The following ADAMTS17 variants were observed in gnomAD, a reference collection of about 807,000 sequenced individuals.
ADAMTS17 encodes the protein A disintegrin and metalloproteinase with thrombospondin motifs 17.
A neutral mutation model predicts 141.5 loss-of-function variants in ADAMTS17; 113 were observed. That is an observed-to-expected ratio of 0.80 (90% confidence interval 0.69 to 0.93). The LOEUF (loss-of-function observed/expected upper bound fraction) is 0.93, where lower values mean the gene tolerates loss of function less well. ADAMTS17 is among the 40% of genes least tolerant of loss of function. The probability of loss-of-function intolerance (pLI) is 0.00; values close to 1 mark genes in which losing one functional copy is unlikely to be tolerated. For missense variants in ADAMTS17, 1,659 were observed against 1,517.9 expected (o/e 1.09, Z -1.54); for synonymous variants, 768 against 630.6 (o/e 1.22, Z -3.27).
At chr15:100,205,632 C>G (rs2041514597) in intron 7 of ADAMTS17, among the ~76,000 whole-genome samples, 1 of 152,150 alleles carries the variant, frequency 6.6e-6, no homozygotes, top group Non-Finnish European at 1.5e-5. Context: ...CAGAAATGGT[C>G]CCAGGCAGGT....
At chr15:100,058,747 C>T (rs144735900) in intron 15 of ADAMTS17, among the ~76,000 whole-genome samples, 4 of 152,100 alleles carry the variant, frequency 2.6e-5, no homozygotes, top group Non-Finnish European at 4.4e-5. Flanking sequence ...ATCACCGGAG[C>T]GGGGTCTTGC....
At chr15:100,312,859 T>G (rs2045447584) in intron 3 of ADAMTS17, among the ~76,000 whole-genome samples, 2 of 152,196 alleles carry the variant, frequency 1.3e-5, no homozygotes, top group Non-Finnish European at 2.9e-5. Flanking sequence ...ATGTGCAATC[T>G]AGGGTGACCT....
At chr15:100,003,564 G>A (rs1006593011) in intron 18 of ADAMTS17, among the ~76,000 whole-genome samples, 1 of 152,076 alleles carries the variant, frequency 6.6e-6, no homozygotes, top group Non-Finnish European at 1.5e-5. Context: ...TTAAAAAACG[G>A]TATGGTAAGA....
At position 99,997,853 on chromosome 15, in the gene ADAMTS17, C is replaced by T. The variant is rs538276672; in HGVS notation, c.2592-264G>A. Among the ~76,000 whole-genome samples, 13 of 152,298 alleles carry T rather than the reference C, an allele frequency of 8.5e-5. No individual in the cohort carries two copies. The South Asian group carries it at 1.5e-3, about 17-fold the overall frequency. The stretch of plus-strand genomic sequence containing the variant: ...TACGGCAGACAGAATTATCTGGTCA[C>T]GGCCTCCCTGTAGGGAATTACGTAT... On this transcript the variant is annotated intron_variant, in intron 18 of 21. Transcript: ENST00000268070. The surrounding 1 kb of genome is among the most constrained non-coding windows in gnomAD (Gnocchi z 4.7).
At chr15:100,267,730 T>A (rs1276026347) in intron 4 of ADAMTS17, among the ~76,000 whole-genome samples, 1 of 152,130 alleles carries the variant, frequency 6.6e-6, no homozygotes, top group Non-Finnish European at 1.5e-5. Flanking sequence ...TTTTAAAAAA[T>A]TTTATTTCTA....
At chr15:100,049,214 G>A (rs2031950653) in intron 17 of ADAMTS17, among the ~76,000 whole-genome samples, 1 of 152,216 alleles carries the variant, frequency 6.6e-6, no homozygotes, top group African/African-American at 2.4e-5. Context: ...GAAGATTCTA[G>A]AACAAGATAA....
intron 14 of ADAMTS17, among the ~76,000 whole-genome samples, chr15:100,104,151 G>A (rs558575076): frequency 9.8e-5 from 15 of 152,316 alleles, no homozygotes; most frequent in Non-Finnish European, 1.9e-4. Flanking sequence ...GGGCAAAGCC[G>A]CGCGTCAGCT....
intron 13 of ADAMTS17, among the ~76,000 whole-genome samples, chr15:100,112,263 G>A (rs568688712): frequency 6.6e-6 from 1 of 152,302 alleles, no homozygotes; most frequent in South Asian, 2.1e-4. Flanking sequence ...CCACCTGCAT[G>A]CAGCTCTCAC....
rs550629744 is a variant in ADAMTS17 at position 100,313,405 on chromosome 15, T to C, written c.616+17484A>G. On this transcript the variant is annotated intron_variant, in intron 3 of 21. Coordinates refer to ENST00000268070, the MANE Select transcript of ADAMTS17 (RefSeq NM_139057.4). ...TTACATAATATGCCACATTAATATATCTATGCAGAAAAATTATATGCAAGC... is the reference window on the plus strand; with the variant it reads ...TTACATAATATGCCACATTAATATACCTATGCAGAAAAATTATATGCAAGC... Among the ~76,000 whole-genome samples, 93 of 152,324 alleles carry C rather than the reference T, an allele frequency of 6.1e-4. 1 individual carries two copies. Among genetic ancestry groups the C allele is most frequent in the African/African-American group, 2.1e-3 (86 of 41,570 alleles).
chr15:100,148,587 G>C (rs373724300), intron 10 of ADAMTS17, among the ~76,000 whole-genome samples: 2 of 151,798 alleles, frequency 1.3e-5, no homozygotes, highest in East Asian at 3.9e-4. Flanking sequence ...TCTAATGAGA[G>C]GTGTACTGTC....
intron 15 of ADAMTS17, among the ~76,000 whole-genome samples, chr15:100,089,010 G>A (rs567312240): frequency 1.3e-4 from 19 of 151,466 alleles, no homozygotes; most frequent in African/African-American, 4.6e-4. Context: ...CAACTGAAGA[G>A]CTTCTGCACA....
At chr15:100,021,803 T>A (rs1263491400) in intron 18 of ADAMTS17, among the ~76,000 whole-genome samples, 2 of 151,996 alleles carry the variant, frequency 1.3e-5, no homozygotes, top group African/African-American at 4.8e-5. Flanking sequence ...CATGTGCTCC[T>A]CCCTCCCAGG....
chr15:99,981,234 T>G (rs112960217), intron 20 of ADAMTS17, among the ~76,000 whole-genome samples: 1 of 152,250 alleles, frequency 6.6e-6, no homozygotes, highest in Non-Finnish European at 1.5e-5. Context: ...CATGGGTCAC[T>G]GGCTTTTAAT....
intron 18 of ADAMTS17, among the ~76,000 whole-genome samples, chr15:100,036,314 A>G (rs560268569): frequency 6.6e-6 from 1 of 152,342 alleles, no homozygotes; most frequent in East Asian, 1.9e-4. Context: ...CGCTGGGAGA[A>G]GCCGGCACTG....
intron 18 of ADAMTS17, among the ~76,000 whole-genome samples, chr15:100,039,912 T>C (rs2031095072): frequency 2.0e-5 from 3 of 152,204 alleles, no homozygotes; most frequent in Non-Finnish European, 2.9e-5. Context: ...TTTATAATTG[T>C]TGTATCTTCC....
chr15:100,197,884 T>A (rs1291144740), intron 8 of ADAMTS17, among the ~76,000 whole-genome samples: 1 of 152,170 alleles, frequency 6.6e-6, no homozygotes, highest in Non-Finnish European at 1.5e-5. Flanking sequence ...GGGACATGGA[T>A]GAAGCTGGAA....
At chr15:100,044,309 G>A (rs2031507424) in intron 18 of ADAMTS17, among the ~76,000 whole-genome samples, 2 of 152,142 alleles carry the variant, frequency 1.3e-5, no homozygotes, top group South Asian at 4.1e-4. Context: ...ATGCTAGAAT[G>A]CTTGATACTA....
intron 4 of ADAMTS17, among the ~76,000 whole-genome samples, chr15:100,269,433 G>C (rs889762353): frequency 5.9e-5 from 9 of 152,176 alleles, no homozygotes; most frequent in African/African-American, 9.7e-5. Flanking sequence ...CTGGGATTTT[G>C]ATTGATTGAC....
At chr15:100,001,835 G>A (rs1475717146) in intron 18 of ADAMTS17, among the ~76,000 whole-genome samples, 1 of 150,106 alleles carries the variant, frequency 6.7e-6, no homozygotes, top group Non-Finnish European at 1.5e-5. Flanking sequence ...CCCCCGTGGT[G>A]GTGTGCATCT....
Sources: gnomAD v4.1 joint callset for allele counts (sites outside exome capture counted in the v4.1 genomes callset) on GRCh38, gnomAD v4.1.1 for gene constraint, Gnocchi (gnomAD v3.1) non-coding constraint, MANE v1.5 for transcripts, NCBI Gene and HGNC (gene_info 2026-07-23, HGNC 2026-07-21) for gene names.